ARFGAP1: variants seen among roughly 807,000 people sequenced by gnomAD.
The protein encoded by ARFGAP1 is ADP-ribosylation factor GTPase-activating protein 1.
A neutral mutation model predicts 54.0 loss-of-function variants in ARFGAP1; 26 were observed. That is an observed-to-expected ratio of 0.48 (90% confidence interval 0.35 to 0.67). The LOEUF (loss-of-function observed/expected upper bound fraction) is 0.67, where lower values mean the gene tolerates loss of function less well. Among genes scored for constraint, ARFGAP1 ranks in the 30% least tolerant of loss-of-function variants. ARFGAP1 has a pLI of 0.00. For missense variants in ARFGAP1, 525 were observed against 535.8 expected (o/e 0.98, Z 0.20); for synonymous variants, 248 against 211.9 (o/e 1.17, Z -1.48).
At chr20:63,282,576 G>T (rs1006381702) in intron 8 of ARFGAP1, among the ~76,000 whole-genome samples, 1 of 152,226 alleles carries the variant, frequency 6.6e-6, no homozygotes, top group Non-Finnish European at 1.5e-5. Flanking sequence ...CGCTGCTCAC[G>T]TGTGCCCTCA....
intron 1 of ARFGAP1, among the ~76,000 whole-genome samples, chr20:63,274,924 C>T (rs2067195325): frequency 6.6e-6 from 1 of 152,228 alleles, no homozygotes; most frequent in Admixed American, 6.5e-5. Context: ...CCGTGAGTCA[C>T]TGTGGTGGGG....
intron 11 of ARFGAP1, 93 bp from the exon 12 acceptor site, chr20:63,286,273 G>T: frequency 6.3e-7 from 1 of 1,584,344 alleles, no homozygotes; most frequent in East Asian, 2.3e-5. Context: ...TCTTCTCAGC[G>T]GGACGGCGCG....
chr20:63,285,298 G>A (rs750988630), intron 10 of ARFGAP1, among the ~76,000 whole-genome samples: 7 of 152,152 alleles, frequency 4.6e-5, no homozygotes, highest in Non-Finnish European at 7.4e-5. Flanking sequence ...TGGGAATGAT[G>A]CCTGCCATCC....
intron 7 of ARFGAP1, among the ~76,000 whole-genome samples, chr20:63,280,769 C>A (rs940083827): frequency 1.3e-5 from 2 of 152,262 alleles, no homozygotes; most frequent in Non-Finnish European, 2.9e-5. Context: ...GCTTGGTGAT[C>A]TCTCAAGTGA....
intron 11 of ARFGAP1, chr20:63,285,959 G>C (rs1205946200): frequency 6.6e-7 from 1 of 1,505,102 alleles, no homozygotes; most frequent in East Asian, 2.5e-5. Flanking sequence ...GCTGCTGCTG[G>C]CCTTTTCCTC....
chr20:63,283,961 T>C (rs371348612), intron 9 of ARFGAP1: 2 of 1,590,176 alleles, frequency 1.3e-6, no homozygotes, highest in Non-Finnish European at 1.7e-6. Context: ...TCCTGCGTGC[T>C]GCCACTGTCT....
intron 7 of ARFGAP1, 122 bp downstream of exon 7, chr20:63,279,117 G>C: frequency 9.9e-7 from 1 of 1,005,612 alleles, no homozygotes; most frequent in Admixed American, 2.0e-5. Flanking sequence ...CTGATCTAAG[G>C]ACCCCTCCCT....
intron 12 of ARFGAP1, among the ~76,000 whole-genome samples, chr20:63,287,070 C>G (rs1294448234): frequency 6.6e-6 from 1 of 152,278 alleles, no homozygotes; most frequent in Non-Finnish European, 1.5e-5. Flanking sequence ...CACAGATGCA[C>G]TGCCCACTAG....
Position 63,278,129 on chromosome 20 carries a change from GC to G in ARFGAP1, c.458del (p.Pro153ArgfsTer4). On this transcript the variant is annotated frameshift_variant, in exon 6 of 13. Coordinates refer to ENST00000370283, the MANE Select transcript of ARFGAP1 (RefSeq NM_018209.4). LOFTEE classifies it high-confidence loss of function. ...PSMVHRVSGQPQSVTASSDKA... is the reference protein window; with the variant it reads ...PSMVHRVSGQXQSVTASSDKA... Reference sequence around the variant, plus strand: ...TTCTCGGTTTCAGAGTCTCTGGCCAGCCGCAGAGTGTGACCGCCTCCTCGGA... The same window carrying G: ...TTCTCGGTTTCAGAGTCTCTGGCCAGCGCAGAGTGTGACCGCCTCCTCGGA... 1 of 1,613,702 alleles carries G rather than the reference GC, an allele frequency of 6.2e-7. No individual in the cohort carries two copies. Among genetic ancestry groups the G allele is most frequent in the Non-Finnish European group, 8.5e-7 (1 of 1,179,902 alleles).
chr20:63,273,029 C>T (rs900771731), intron 1 of ARFGAP1, 109 bp downstream of exon 1: 1 of 152,130 alleles, frequency 6.6e-6, no homozygotes, highest in African/African-American at 2.4e-5. Flanking sequence ...TCCACCCGGA[C>T]CCCGCTCCAC....
At chr20:63,285,037 C>T in intron 10 of ARFGAP1, 115 bp downstream of exon 10, 2 of 1,225,770 alleles carry the variant, frequency 1.6e-6, no homozygotes, top group Non-Finnish European at 2.3e-6. Context: ...CGAGGCCAAG[C>T]CTCACACCCC....
rs1210690053 is a variant in ARFGAP1 at position 63,289,687 on chromosome 20, G to C, written c.*1814G>C. The stretch of plus-strand genomic sequence containing the variant: ...CCTTTCCCTTCTGCAGGTGCGGGCA[G>C]GTGGGCCTGGGACCGGTGCTGGGGC... On this transcript the variant is annotated 3_prime_UTR_variant, in exon 13 of 13. Coordinates refer to ENST00000370283, the MANE Select transcript of ARFGAP1 (RefSeq NM_018209.4). The C allele has an allele frequency of 1.3e-5, 2 of 152,408 alleles. No homozygotes were observed. Among genetic ancestry groups the C allele is most frequent in the Non-Finnish European group, 2.9e-5 (2 of 68,178 alleles). 9.4% of individuals were successfully genotyped at this position (152,408 alleles called of 1,614,324 possible). A position where few individuals can be genotyped will look rare whatever the true frequency, so the allele number is the denominator to read the frequency against.
rs113232571 is a variant in ARFGAP1, at chr20:63,285,635, G to T, written c.775-19G>T. On this transcript the variant is annotated intron_variant, in intron 10 of 12. Transcript: ENST00000370283. Reference sequence around the variant, plus strand: ...CATCTCTCCCGCCCCCATTAATGCCGCTGTCTTCATCCGTGCAGGTGAAGG... The same window carrying T: ...CATCTCTCCCGCCCCCATTAATGCCTCTGTCTTCATCCGTGCAGGTGAAGG... 6.2e-7 allele frequency: 1 copy of T among 1,612,642 alleles called. No individual in the cohort carries two copies.
intron 1 of ARFGAP1, chr20:63,273,279 G>A (rs1191955056): frequency 6.7e-6 from 1 of 149,410 alleles, no homozygotes; most frequent in Non-Finnish European, 1.5e-5. Flanking sequence ...GTCGCCTCCC[G>A]GGGCGCGAGC....
rs750198567 is a variant in ARFGAP1 at position 63,286,429 on chromosome 20, G to A, written c.898G>A (p.Gly300Ser). ...VTTFFSGKAE[G>S]PLDSPSEGHS... The stretch of plus-strand genomic sequence containing the variant: ...CACCTTTTTTTCGGGGAAAGCAGAG[G>A]GCCCCTTGGACAGGTATGCTGTGTC... Residue 300 changes from glycine to serine, a missense_variant, in exon 12 of 13, where the codon GGC (glycine) becomes AGC (serine). Physicochemically the swap from Gly to Ser is moderately conservative, Grantham distance 56 (BLOSUM62 0). This residue lies in a region of ARFGAP1 where 466 missense variants were observed against 453.6 expected (regional missense o/e 1.03). Coordinates refer to ENST00000370283, the MANE Select transcript of ARFGAP1 (RefSeq NM_018209.4). The A allele has an allele frequency of 1.1e-5, 18 of 1,613,332 alleles. No individual in the cohort carries two copies. The South Asian group carries it at 1.6e-4, about 15-fold the overall frequency.
chr20:63,285,754 T>A, intron 11 of ARFGAP1, 41 bp downstream of exon 11: 3 of 1,603,512 alleles, frequency 1.9e-6, no homozygotes, highest in South Asian at 2.2e-5. Flanking sequence ...TCGAAGCCAG[T>A]CTCCATATTC....
intron 1 of ARFGAP1, among the ~76,000 whole-genome samples, chr20:63,275,358 C>T (rs567947563): frequency 3.5e-4 from 53 of 152,258 alleles, no homozygotes; most frequent in Admixed American, 2.0e-3. Flanking sequence ...TCGCCCTGGC[C>T]GCAGCCTGGG....
intron 9 of ARFGAP1, chr20:63,284,166 G>T: frequency 7.6e-7 from 1 of 1,308,074 alleles, no homozygotes; most frequent in Non-Finnish European, 9.7e-7. Flanking sequence ...CAGGCCTGCT[G>T]CCGGGGAGGT....
At chr20:63,284,547 C>T (rs989930802) in intron 9 of ARFGAP1, 5 of 1,221,604 alleles carry the variant, frequency 4.1e-6, no homozygotes, top group Non-Finnish European at 5.2e-6. Flanking sequence ...GCGTTGGCCT[C>T]AGGCACAGGC....
Sources: allele counts gnomAD v4.1 joint callset (sites outside exome capture counted in the v4.1 genomes callset), GRCh38; gene constraint gnomAD v4.1.1; regional missense constraint gnomAD v4.1.1; transcripts MANE v1.5; gene names NCBI Gene and HGNC (gene_info 2026-07-23, HGNC 2026-07-21).